TRHDE: variants seen among roughly 807,000 people sequenced by gnomAD.
The protein encoded by TRHDE is thyrotropin-releasing hormone-degrading ectoenzyme.
A neutral mutation model predicts 125.7 loss-of-function variants in TRHDE; 72 were observed. The observed-to-expected ratio is 0.57, with a 90% CI of 0.47 to 0.70. The LOEUF is 0.70. TRHDE is among the 30% of genes least tolerant of loss of function. The pLI is 0.00. For missense variants in TRHDE, 1,110 were observed against 1,327.1 expected (o/e 0.84, Z 2.54); for synonymous variants, 509 against 509.1 (o/e 1.00, Z 0.00).
intron 3 of TRHDE, among the ~76,000 whole-genome samples, chr12:72,464,038 A>T (rs1342128750): frequency 5.3e-5 from 8 of 152,186 alleles, no homozygotes; most frequent in Non-Finnish European, 1.2e-4. Flanking sequence ...AAAAGCTGCA[A>T]GGCTTTCTTA....
chr12:72,250,037 A>C (rs537728448), intron 2 of TRHDE, among the ~76,000 whole-genome samples: 1 of 152,338 alleles, frequency 6.6e-6, no homozygotes, highest in South Asian at 2.1e-4. Context: ...GAATTTAAAG[A>C]AGCCAGATGA....
At chr12:72,334,040 C>G (rs995122477) in intron 2 of TRHDE, among the ~76,000 whole-genome samples, 2 of 151,742 alleles carry the variant, frequency 1.3e-5, no homozygotes, top group East Asian at 3.9e-4. Flanking sequence ...CCTAATTACT[C>G]TCTCTTCTTT....
At chr12:72,638,593 C>G in intron 15 of TRHDE, among the ~76,000 whole-genome samples, 1 of 151,690 alleles carries the variant, frequency 6.6e-6, no homozygotes, top group Non-Finnish European at 1.5e-5. Flanking sequence ...CAGTTTCTTC[C>G]TAGTCTCGAT....
intron 2 of TRHDE, among the ~76,000 whole-genome samples, chr12:72,327,641 T>A (rs1486953006): frequency 6.6e-6 from 1 of 152,146 alleles, no homozygotes; most frequent in African/African-American, 2.4e-5. Flanking sequence ...TTTAGGAGAT[T>A]TTTTTAGGAA....
At chr12:72,221,797 G>A (rs1013649980) in intron 2 of TRHDE, among the ~76,000 whole-genome samples, 2 of 152,136 alleles carry the variant, frequency 1.3e-5, no homozygotes, top group African/African-American at 4.8e-5. Context: ...AACTAATAGT[G>A]GCTTAAAACA....
chr12:72,467,750 G>T (rs570114681), intron 3 of TRHDE, among the ~76,000 whole-genome samples: 15 of 152,294 alleles, frequency 9.8e-5, no homozygotes, highest in African/African-American at 3.1e-4. Context: ...GGGAGGCGGA[G>T]GTTGCGGTGA....
intron 2 of TRHDE, among the ~76,000 whole-genome samples, chr12:72,332,407 G>A (rs1321821396): frequency 1.3e-5 from 2 of 152,132 alleles, no homozygotes; most frequent in Non-Finnish European, 2.9e-5. Flanking sequence ...CCAGAGTGCT[G>A]GGATTATAGG....
At chr12:72,426,952 A>C (rs900961456) in intron 3 of TRHDE, among the ~76,000 whole-genome samples, 1 of 152,088 alleles carries the variant, frequency 6.6e-6, no homozygotes, top group Non-Finnish European at 1.5e-5. Flanking sequence ...TTAGTGGCCA[A>C]ATGTCACCTA....
intron 2 of TRHDE, among the ~76,000 whole-genome samples, chr12:72,238,275 A>T (rs113457765): frequency 6.0e-4 from 23 of 38,234 alleles, no homozygotes; most frequent in African/African-American, 1.6e-3. Context: ...TCAGATCCTT[A>T]ATATATATAT....
At chr12:72,460,808 A>G (rs1482817855) in intron 3 of TRHDE, among the ~76,000 whole-genome samples, 1 of 152,134 alleles carries the variant, frequency 6.6e-6, no homozygotes, top group African/African-American at 2.4e-5. Context: ...AAAAATGCAC[A>G]ATATGATGGT....
At chr12:72,429,270 C>G (rs575001373) in intron 3 of TRHDE, among the ~76,000 whole-genome samples, 2 of 151,388 alleles carry the variant, frequency 1.3e-5, no homozygotes, top group East Asian at 3.9e-4. Flanking sequence ...GTGCAGCAAA[C>G]CACCATGACA....
chr12:72,259,012 T>G (rs1396446006), intron 2 of TRHDE, among the ~76,000 whole-genome samples: 1 of 152,164 alleles, frequency 6.6e-6, no homozygotes, highest in Non-Finnish European at 1.5e-5. Context: ...TAATGTTAAC[T>G]TTTTCTCCCT....
chr12:72,559,477 G>A (rs1175312940), intron 7 of TRHDE, among the ~76,000 whole-genome samples: 2 of 152,100 alleles, frequency 1.3e-5, no homozygotes, highest in African/African-American at 2.4e-5. Flanking sequence ...ATAGGCAGAT[G>A]TAATATATTC....
intron 2 of TRHDE, among the ~76,000 whole-genome samples, chr12:72,156,178 G>A (rs142070403): frequency 0.03 from 4,606 of 152,274 alleles, 122 homozygotes; most frequent in African/African-American, 0.068. Context: ...CTCCATGGGC[G>A]TAGGACCCTC....
At chr12:72,639,448 G>C (rs1440458252) in intron 15 of TRHDE, among the ~76,000 whole-genome samples, 1 of 152,114 alleles carries the variant, frequency 6.6e-6, no homozygotes, top group Non-Finnish European at 1.5e-5. Flanking sequence ...CCTTTGGTTT[G>C]AATGTCCTCC....
intron 2 of TRHDE, among the ~76,000 whole-genome samples, chr12:72,266,700 A>G (rs1459584673): frequency 6.6e-6 from 1 of 151,890 alleles, no homozygotes; most frequent in African/African-American, 2.4e-5. Context: ...TCATTATGCA[A>G]TTGGATAGTT....
intron 3 of TRHDE, among the ~76,000 whole-genome samples, chr12:72,469,397 T>C (rs748575608): frequency 1.1e-4 from 17 of 152,186 alleles, no homozygotes; most frequent in Non-Finnish European, 2.5e-4. Flanking sequence ...CTGCATTGAG[T>C]CAAATATATT....
chr12:72,336,413 C>G (rs937281461), intron 2 of TRHDE, among the ~76,000 whole-genome samples: 1 of 152,136 alleles, frequency 6.6e-6, no homozygotes, highest in African/African-American at 2.4e-5. Flanking sequence ...AAGGATTGTC[C>G]TCTCCATGAA....
At chr12:72,541,052 G>A (rs1214075654) in intron 6 of TRHDE, among the ~76,000 whole-genome samples, 9 of 151,514 alleles carry the variant, frequency 5.9e-5, no homozygotes, top group Non-Finnish European at 1.0e-4. Context: ...TCATTGTTGT[G>A]TTGCTGGACT....
Sources: gnomAD v4.1 joint callset for allele counts (sites outside exome capture counted in the v4.1 genomes callset) on GRCh38, gnomAD v4.1.1 for gene constraint, MANE v1.5 for transcripts, NCBI Gene and HGNC (gene_info 2026-07-23, HGNC 2026-07-21) for gene names.